PFKFB1: variants seen among roughly 807,000 people sequenced by gnomAD.
PFKFB1 encodes the protein 6-phosphofructo-2-kinase/fructose-2,6-bisphosphatase 1.
In PFKFB1, 34 loss-of-function variants were observed where a neutral mutation model predicts 46.4. The ratio of observed to expected loss-of-function variants is 0.73; its 90% confidence interval spans 0.56 to 0.98. The LOEUF (loss-of-function observed/expected upper bound fraction) is 0.98, where lower values mean the gene tolerates loss of function less well. PFKFB1 is among the 50% of genes least tolerant of loss of function. PFKFB1 has a pLI of 0.00. For missense variants in PFKFB1, 393 were observed against 376.3 expected, an observed-to-expected ratio of 1.04 and a Z score of -0.37; for synonymous variants, 119 against 133.8, an observed-to-expected ratio of 0.89 and a Z score of 0.76.
At chrX:54,953,972 T>A (rs952560106) in intron 7 of PFKFB1, among the ~76,000 whole-genome samples, 1 of 112,186 alleles carries the variant, frequency 8.9e-6, no homozygotes, top group Non-Finnish European at 1.9e-5. Flanking sequence ...ATATTCACTC[T>A]CTTTTTTGAG....
intron 1 of PFKFB1, among the ~76,000 whole-genome samples, chrX:54,970,048 A>G (rs1339610435): frequency 9.0e-6 from 1 of 111,218 alleles, no homozygotes; most frequent in African/African-American, 3.3e-5. Context: ...AGCTGGGATT[A>G]CAGGCATGTG....
intron 1 of PFKFB1, among the ~76,000 whole-genome samples, chrX:54,975,616 C>T (rs1450297389): frequency 1.8e-5 from 2 of 110,788 alleles, no homozygotes; most frequent in African/African-American, 6.6e-5. Context: ...CATCTGTACC[C>T]TAAAAACTAT....
At chrX:54,943,538 T>A (rs972604294) in intron 10 of PFKFB1, among the ~76,000 whole-genome samples, 3 of 111,377 alleles carry the variant, frequency 2.7e-5, no homozygotes, top group Non-Finnish European at 5.7e-5. Flanking sequence ...GATCATGAGG[T>A]CAGGAGATGG....
At chrX:54,946,458 A>G (rs866257977) in intron 9 of PFKFB1, among the ~76,000 whole-genome samples, 33 of 111,565 alleles carry the variant, frequency 3.0e-4, no homozygotes, top group South Asian at 3.8e-4. Flanking sequence ...GATTCCAATT[A>G]AATCTCCCTG....
In PFKFB1 at chrX:54,963,250, G is replaced by A; in HGVS notation, c.223+7C>T. On this transcript the variant is annotated splice_region_variant and intron_variant, in intron 2 of 13. Coordinates refer to ENST00000375006, the MANE Select transcript of PFKFB1 (RefSeq NM_002625.4). ...GGGTTGTTGAACAAAGGCTTTCAGA[G>A]ACATACCTTTAGTTGGTGTTCCTAT... 8.3e-7 allele frequency: 1 copy of A among 1,209,399 alleles called. No homozygotes were observed. Among genetic ancestry groups the A allele is most frequent in the Non-Finnish European group, 1.1e-6 (1 of 893,839 alleles).
intron 10 of PFKFB1, among the ~76,000 whole-genome samples, chrX:54,938,444 A>C (rs1287412879): frequency 8.9e-6 from 1 of 111,861 alleles, no homozygotes; most frequent in African/African-American, 3.2e-5. Context: ...AAAGATACAG[A>C]CTGGCAAATT....
At chrX:54,994,194 T>C (rs1935318557), upstream of PFKFB1, 1 of 1,054,398 alleles carries the variant, frequency 9.5e-7, no homozygotes, top group African/African-American at 1.9e-5. Flanking sequence ...CCTCTGGTCC[T>C]AGCCTGCCTC....
chrX:54,995,966 TC>T (rs1260437688), upstream of PFKFB1, among the ~76,000 whole-genome samples: 1 of 112,473 alleles, frequency 8.9e-6, no homozygotes, highest in Non-Finnish European at 1.9e-5. Context: ...ACTTGCAAGA[TC>T]ATTTCATCTC....
At chrX:54,962,219 T>C (rs1032207572) in intron 2 of PFKFB1, among the ~76,000 whole-genome samples, 6 of 111,459 alleles carry the variant, frequency 5.4e-5, no homozygotes, top group African/African-American at 2.0e-4. Flanking sequence ...CTCAGCAGAT[T>C]TTCCTGAGAG....
At chrX:54,954,227 A>C (rs1934067278) in intron 7 of PFKFB1, among the ~76,000 whole-genome samples, 1 of 112,383 alleles carries the variant, frequency 8.9e-6, no homozygotes. Context: ...AAAAGCCTTT[A>C]AGCCAGCTGG....
intron 1 of PFKFB1, among the ~76,000 whole-genome samples, chrX:54,973,813 T>A (rs1013496832): frequency 9.0e-6 from 1 of 111,619 alleles, no homozygotes; most frequent in South Asian, 3.7e-4. Flanking sequence ...AAATGTATAT[T>A]CTGTTGATTT....
rs138301588 is a variant in PFKFB1, at chrX:54,951,911, G to A, written c.840C>T (p.Gly280=). 1.4e-5 allele frequency: 17 copies of A among 1,193,359 alleles called. No individual in the cohort carries two copies. The highest frequency in any genetic ancestry group is 1.8e-5 in the Non-Finnish European group (16 of 886,090). The change falls in exon 8 of 14, where the codon GGC becomes GGT. Residue 280 remains glycine, a synonymous_variant. Coordinates refer to ENST00000375006, the MANE Select transcript of PFKFB1 (RefSeq NM_002625.4). ...IGGDSGLSVR[G]KQYAYALANF... is the part of the protein sequence containing the mutation. ...TGTGTGTGGCCCACCCTACCTGCTT[G>A]CCGCGAACTGAGAGGCCAGAGTCAC...
chrX:54,942,060 G>T (rs892050794), intron 10 of PFKFB1, among the ~76,000 whole-genome samples: 5 of 112,098 alleles, frequency 4.5e-5, no homozygotes, highest in African/African-American at 1.6e-4. Context: ...ATACTATGCA[G>T]CCATAAAAAA....
At chrX:54,964,904 T>C (rs1013686770) in intron 1 of PFKFB1, among the ~76,000 whole-genome samples, 1 of 111,236 alleles carries the variant, frequency 9.0e-6, no homozygotes, top group African/African-American at 3.3e-5. Context: ...CTGAAGACTA[T>C]CTTTGATGTG....
At chrX:54,980,744 C>T (rs1934963352) in intron 1 of PFKFB1, among the ~76,000 whole-genome samples, 2 of 109,428 alleles carry the variant, frequency 1.8e-5, no homozygotes, top group South Asian at 3.9e-4. Context: ...CACACACACA[C>T]ACACACACAC....
upstream of PFKFB1, chrX:54,998,319 T>A: frequency 2.6e-6 from 2 of 766,732 alleles, no homozygotes; most frequent in Non-Finnish European, 3.9e-6. Flanking sequence ...CAACCAACCA[T>A]CTATGCAAAG....
At chrX:54,967,043 T>C (rs1377318292) in intron 1 of PFKFB1, among the ~76,000 whole-genome samples, 1 of 111,311 alleles carries the variant, frequency 9.0e-6, no homozygotes, top group Non-Finnish European at 1.9e-5. Context: ...GACAGACCTA[T>C]ATAGTACTGA....
chrX:54,998,543 C>T, upstream of PFKFB1: 1 of 607,890 alleles, frequency 1.6e-6, no homozygotes. Flanking sequence ...CCTGAGAAGG[C>T]TGAGGACGTA....
chrX:54,957,721 T>C (rs1242364461), intron 6 of PFKFB1, among the ~76,000 whole-genome samples: 1 of 111,431 alleles, frequency 9.0e-6, no homozygotes, highest in East Asian at 2.8e-4. Flanking sequence ...TACATTTAGG[T>C]AAGATTTCAA....
Sources: gnomAD v4.1 joint callset for allele counts (sites outside exome capture counted in the v4.1 genomes callset) on GRCh38, gnomAD v4.1.1 for gene constraint, MANE v1.5 for transcripts, NCBI Gene and HGNC (gene_info 2026-07-23, HGNC 2026-07-21) for gene names.